The following ATP8B2 variants were observed in gnomAD, a reference collection of about 807,000 sequenced individuals.
ATP8B2 encodes phospholipid-transporting ATPase ID.
Under a neutral mutation model 133.4 loss-of-function variants are expected in ATP8B2, and 70 were observed. The observed-to-expected ratio is 0.52, with a 90% CI of 0.43 to 0.64. The LOEUF (loss-of-function observed/expected upper bound fraction) is 0.64, where lower values mean the gene tolerates loss of function less well. Among genes scored for constraint, ATP8B2 ranks in the 30% least tolerant of loss-of-function variants. The pLI is 0.00. For missense variants in ATP8B2, 1,101 were observed against 1,535.7 expected (o/e 0.72, Z 4.73); for synonymous variants, 517 against 589.5 (o/e 0.88, Z 1.78).
In ATP8B2 at chr1:154,331,891, C is replaced by G; in HGVS notation, c.439-63C>G. ...AAGAATGCTTAGTGGAAGGAGCCAC[C>G]ATTACAGCCCACTGGGGGTGGAGGT... On this transcript the variant is annotated intron_variant, in intron 7 of 27. Transcript: ENST00000368489. The surrounding 1 kb of genome is among the most constrained non-coding windows in gnomAD (Gnocchi z 4.8). The G allele has an allele frequency of 1.3e-6, 2 of 1,515,266 alleles. No individual in the cohort carries two copies. The highest frequency in any genetic ancestry group is 1.8e-6 in the Non-Finnish European group (2 of 1,090,764). 93.9% of individuals were successfully genotyped at this position (1,515,266 alleles called of 1,614,324 possible). A position where few individuals can be genotyped will look rare whatever the true frequency, so the allele number is the denominator to read the frequency against.
chr1:154,327,953 C>A, intron 1 of ATP8B2, 152 bp from the exon 2 acceptor site: 1 of 1,532,358 alleles, frequency 6.5e-7, no homozygotes, highest in Non-Finnish European at 9.0e-7. Context: ...TCCCAGGAAC[C>A]CATCATGGCA....
intron 11 of ATP8B2, 130 bp from the exon 12 acceptor site, chr1:154,337,218 A>G (rs1686217867): frequency 9.7e-7 from 1 of 1,033,508 alleles, no homozygotes; most frequent in African/African-American, 1.6e-5. Context: ...CCCAGAGACC[A>G]TGGGTTGGAC....
In ATP8B2 at chr1:154,344,874, T is replaced by C; in HGVS notation, c.2286+89T>C. 1 of 1,544,334 alleles carries C rather than the reference T, an allele frequency of 6.5e-7. No homozygotes were observed. The highest frequency in any genetic ancestry group is 8.7e-7 in the Non-Finnish European group (1 of 1,144,220). ...TATATCTTGTTCTAATTTCCCCTGA[T>C]TTCAGAGAAGACTGGTCTCAAAGGG... On this transcript the variant is annotated intron_variant, in intron 21 of 27. Transcript: ENST00000368489. The surrounding 1 kb of genome is among the most constrained non-coding windows in gnomAD (Gnocchi z 4.1).
At position 154,344,598 on chromosome 1, in the gene ATP8B2, G is replaced by T. The variant is rs1686516019; in HGVS notation, c.2142-43G>T. The T allele has an allele frequency of 6.2e-7, 1 of 1,607,758 alleles. No individual in the cohort carries two copies. Among genetic ancestry groups the T allele is most frequent in the Non-Finnish European group, 8.5e-7 (1 of 1,174,914 alleles). ...TAGACTTGAATCCCTGCTCCCCACT[G>T]CCGTTCTGGAAGACCACAACCGTAT... On this transcript the variant is annotated intron_variant, in intron 20 of 27. Coordinates refer to ENST00000368489, the MANE Select transcript of ATP8B2 (RefSeq NM_001370597.1). This position sits in a 1 kb window ranked among gnomAD's most constrained non-coding sequence, Gnocchi z 4.1.
chr1:154,350,115 C>T lies in ATP8B2; in HGVS notation c.*997C>T, dbSNP rs549036356. The T allele has an allele frequency of 6.6e-6, 1 of 151,638 alleles. No homozygotes were observed. The highest frequency in any genetic ancestry group is 1.9e-4 in the East Asian group (1 of 5,168). The allele number at this position is 151,638 out of a possible 1,614,324, so 9.4% of individuals were successfully genotyped here. ...TGAGATGGAGTCTCACTCTTGTCAC[C>T]TAGGCAAGAGTGCAATGGCACAATC... On this transcript the variant is annotated 3_prime_UTR_variant, in exon 28 of 28. Transcript: ENST00000368489.
Position 154,345,457 on chromosome 1 carries a change from G to A in ATP8B2, c.2606G>A (p.Cys869Tyr). 6.2e-7 allele frequency: 1 copy of A among 1,614,176 alleles called. No individual in the cohort carries two copies. The highest frequency in any genetic ancestry group is 8.5e-7 in the Non-Finnish European group (1 of 1,180,042). ...VHGRWSYLRM[C>Y]KFLCYFFYKN... The stretch of plus-strand genomic sequence containing the variant: ...GGGCGCTGGTCCTACCTGCGAATGT[G>A]CAAGTTTCTTTGCTATTTCTTCTAC... Residue 869 changes from cysteine (C) to tyrosine (Y), a missense_variant, in exon 23 of 28, where the codon TGC becomes TAC. By Grantham distance (194) the Cys-to-Tyr change is radical. Transcript: ENST00000368489. The surrounding 1 kb of genome is among the most constrained non-coding windows in gnomAD (Gnocchi z 5.6).
At chr1:154,327,794 C>G (rs755433051) in intron 1 of ATP8B2, 12 of 1,613,124 alleles carry the variant, frequency 7.4e-6, no homozygotes, top group African/African-American at 1.3e-5. Flanking sequence ...CTCCATTGTC[C>G]CTGGGATGGA....
rs374119776 is a variant in ATP8B2 at position 154,330,800 on chromosome 1, C to A, written c.91-15C>A. On this transcript the variant is annotated splice_polypyrimidine_tract_variant and intron_variant, in intron 3 of 27. Transcript: ENST00000368489. Reference sequence around the variant, plus strand: ...GACTGGAGACTGCTCATTATCTTCTCTCCTACTGCCATAGAGTAACTGCAT... The same window carrying A: ...GACTGGAGACTGCTCATTATCTTCTATCCTACTGCCATAGAGTAACTGCAT... 4 of 1,603,392 alleles carry A rather than the reference C, an allele frequency of 2.5e-6. No homozygotes were observed. In the Admixed American group the frequency reaches 6.7e-5, roughly 27 times the overall value.
chr1:154,348,744 G>A (rs1228203681), intron 27 of ATP8B2, 96 bp from the exon 28 acceptor site: 15 of 1,436,388 alleles, frequency 1.0e-5, no homozygotes, highest in Non-Finnish European at 2.8e-6. Flanking sequence ...GGAGGCCTCT[G>A]TGTCAGCCTG....
rs1686574415 is a variant in ATP8B2, at chr1:154,346,173, T to C, written c.2779-58T>C. The C allele has an allele frequency of 6.3e-7, 1 of 1,584,046 alleles. No homozygotes were observed. The highest frequency in any genetic ancestry group is 8.6e-7 in the Non-Finnish European group (1 of 1,163,470). On this transcript the variant is annotated intron_variant, in intron 24 of 27. Transcript: ENST00000368489. This position sits in a 1 kb window ranked among gnomAD's most constrained non-coding sequence, Gnocchi z 4.5. The stretch of plus-strand genomic sequence containing the variant: ...CAGAGTCAGAGTCTGCCCTTGGTCA[T>C]CCAGGGTCAAAACGGCAACCTCTGA...
Position 154,344,635 on chromosome 1 carries a change from C to T in ATP8B2, c.2142-6C>T, listed in dbSNP as rs370216504. ...GACCACAACCGTATCATTTCCACCT[C>T]GACAGGAAAGCCCGGGAGAAGATGA... On this transcript the variant is annotated splice_region_variant and splice_polypyrimidine_tract_variant and intron_variant, in intron 20 of 27. Transcript: ENST00000368489. This position sits in a 1 kb window ranked among gnomAD's most constrained non-coding sequence, Gnocchi z 4.1. The T allele has an allele frequency of 4.8e-5, 77 of 1,606,760 alleles. No homozygotes were observed. In the African/African-American group the frequency reaches 5.2e-4, roughly 11 times the overall value.
Position 154,348,851 on chromosome 1 carries a change from A to G in ATP8B2, c.3306A>G (p.Thr1102=), listed in dbSNP as rs924491565. The G allele has an allele frequency of 2.3e-5, 37 of 1,603,846 alleles. No individual in the cohort carries two copies. The highest frequency in any genetic ancestry group is 2.7e-5 in the Non-Finnish European group (32 of 1,173,158). ...GTGCCCCTCTGCAGGTCCGCTACAC[A>G]CAGCTCGTGAGGAAGAAGCAGAAGG... ...KPDLSDTVRY[T]QLVRKKQKAQ... Residue 1102 remains threonine, a synonymous_variant, in exon 28 of 28, where the codon ACA becomes ACG. Coordinates refer to ENST00000368489, the MANE Select transcript of ATP8B2 (RefSeq NM_001370597.1).
At chr1:154,332,552 C>A in intron 8 of ATP8B2, 66 bp from the exon 9 acceptor site, 1 of 1,296,688 alleles carries the variant, frequency 7.7e-7, no homozygotes, top group Non-Finnish European at 1.1e-6. Flanking sequence ...AGCGAGACCC[C>A]ATCTGTGAAA....
chr1:154,332,471 T>G, intron 8 of ATP8B2, 147 bp from the exon 9 acceptor site: 1 of 636,856 alleles, frequency 1.6e-6, no homozygotes, highest in East Asian at 2.8e-5. Context: ...GGCGGGAGGA[T>G]TGTTTGAGCC....
At chr1:154,336,716 C>T (rs1033446329) in intron 11 of ATP8B2, among the ~76,000 whole-genome samples, 8 of 151,312 alleles carry the variant, frequency 5.3e-5, no homozygotes, top group Non-Finnish European at 1.0e-4. Flanking sequence ...AGACTGGTCT[C>T]GAACTCCTGA....
In ATP8B2 at chr1:154,344,446, C is replaced by T; in HGVS notation, c.2087C>T (p.Thr696Ile). 6.2e-7 allele frequency: 1 copy of T among 1,614,116 alleles called. No homozygotes were observed. Among genetic ancestry groups the T allele is most frequent in the Non-Finnish European group, 8.5e-7 (1 of 1,180,014 alleles). ...TGCAAGATGCTGACGGATGACATGA[C>T]TGAGGTTTTCATAGTCACTGGCCAT... is the stretch of plus-strand genomic sequence containing the variant. ...YSCKMLTDDM[T>I]EVFIVTGHTV... Residue 696 changes from threonine (T) to isoleucine (I), a missense_variant, in exon 20 of 28, where the codon ACT becomes ATT. Thr to Ile is a moderately conservative substitution (Grantham distance 89). Coordinates refer to ENST00000368489, the MANE Select transcript of ATP8B2 (RefSeq NM_001370597.1). This position sits in a 1 kb window ranked among gnomAD's most constrained non-coding sequence, Gnocchi z 4.1.
chr1:154,344,968 C>T lies in ATP8B2; in HGVS notation c.2287-3C>T, dbSNP rs1460510150. On this transcript the variant is annotated splice_region_variant and splice_polypyrimidine_tract_variant and intron_variant, in intron 21 of 27. Coordinates refer to ENST00000368489, the MANE Select transcript of ATP8B2 (RefSeq NM_001370597.1). This position sits in a 1 kb window ranked among gnomAD's most constrained non-coding sequence, Gnocchi z 4.1. ...GGCTCTCTCAGGTTTCTCTGTGCTC[C>T]AGGCCCACGCACTGGAGGCAGACAT... The T allele has an allele frequency of 1.2e-6, 2 of 1,609,486 alleles. No homozygotes were observed. Among genetic ancestry groups the T allele is most frequent in the South Asian group, 2.2e-5 (2 of 90,476 alleles).
At chr1:154,333,077 A>T (rs1468116459) in intron 9 of ATP8B2, among the ~76,000 whole-genome samples, 1 of 152,182 alleles carries the variant, frequency 6.6e-6, no homozygotes, top group African/African-American at 2.4e-5. Flanking sequence ...TGGGAGGCCG[A>T]GGTGGGCGGA....
In ATP8B2 at chr1:154,348,918, C is replaced by G. The variant is rs764653687; in HGVS notation, c.3373C>G (p.Arg1125Gly). The G allele has an allele frequency of 6.2e-6, 10 of 1,613,948 alleles. No homozygotes were observed. Among genetic ancestry groups the G allele is most frequent in the Non-Finnish European group, 8.5e-6 (10 of 1,179,916 alleles). The stretch of plus-strand genomic sequence containing the variant: ...GCGGCGGGTTGGCCGCACTGGCTCC[C>G]GGCGCTCCGGCTATGCCTTCTCCCA... ...CMRRVGRTGS[R>G]RSGYAFSHQE... Residue 1125 changes from arginine to glycine, a missense_variant, in exon 28 of 28, where the codon CGG becomes GGG. By Grantham distance (125) the Arg-to-Gly change is moderately radical. Coordinates refer to ENST00000368489, the MANE Select transcript of ATP8B2 (RefSeq NM_001370597.1).
Sources: gnomAD v4.1 joint callset for allele counts (sites outside exome capture counted in the v4.1 genomes callset) on GRCh38, gnomAD v4.1.1 for gene constraint, Gnocchi (gnomAD v3.1) non-coding constraint, MANE v1.5 for transcripts, NCBI Gene and HGNC (gene_info 2026-07-23, HGNC 2026-07-21) for gene names.